The following ABCB7 variants were observed in gnomAD, a reference collection of about 807,000 sequenced individuals.
The protein encoded by ABCB7 is ATP binding cassette subfamily B member 7, also known as iron-sulfur clusters transporter ABCB7, mitochondrial.
In ABCB7, 7 loss-of-function variants were observed where a neutral mutation model predicts 54.4. That is an observed-to-expected ratio of 0.13 (90% CI 0.07 to 0.24). The LOEUF is 0.24. ABCB7 is among the 10% of genes least tolerant of loss of function. The pLI, the probability that ABCB7 is intolerant of heterozygous loss-of-function variation, is 1.00. For synonymous variants in ABCB7, 218 were observed against 207.1 expected (o/e 1.05, Z -0.45); for missense variants, 356 against 570.4 (o/e 0.62, Z 3.83).
intron 14 of ABCB7, 49 bp from the exon 15 acceptor site, chrX:75,060,379 C>T (rs1405139793): frequency 2.1e-6 from 2 of 946,716 alleles, no homozygotes; most frequent in Non-Finnish European, 3.0e-6. Flanking sequence ...AAGAAGTACA[C>T]ATTAGGCAAA....
At chrX:75,074,229 T>A in intron 6 of ABCB7, among the ~76,000 whole-genome samples, 1 of 111,602 alleles carries the variant, frequency 9.0e-6, no homozygotes, top group African/African-American at 3.2e-5. Flanking sequence ...ATAAAAAATA[T>A]ATACATATAT....
chrX:75,117,165 G>C (rs1369907934), intron 1 of ABCB7, among the ~76,000 whole-genome samples: 1 of 110,924 alleles, frequency 9.0e-6, no homozygotes, highest in Non-Finnish European at 1.9e-5. Context: ...TGAGATCCAA[G>C]AACCCTCTCT....
In ABCB7 at chrX:75,076,563, G is replaced by T. The variant is rs773291983; in HGVS notation, c.545C>A (p.Pro182Gln). Residue 182 changes from proline (P) to glutamine (Q), a missense_variant, in exon 5 of 16, where the codon CCA (proline) becomes CAA (glutamine). Around this residue, in one of 2 missense-constraint regions of ABCB7, gnomAD observed 241 missense variants for 470.9 expected, o/e 0.51. Transcript: ENST00000373394. ...TGTTGCCATGGTTGCAACTGTATTT[G>T]GTGCATCACTCAGGTTCAGCATGTT... ...SGNMLNLSDA[P>Q]NTVATMATAV... is the part of the protein sequence containing the mutation. The T allele has an allele frequency of 8.3e-7, 1 of 1,210,965 alleles. No individual in the cohort carries two copies.
chrX:75,131,701 C>T (rs1357161394), intron 1 of ABCB7, among the ~76,000 whole-genome samples: 3 of 111,417 alleles, frequency 2.7e-5, no homozygotes, highest in African/African-American at 9.8e-5. Flanking sequence ...TATGAACCTC[C>T]AGCATAGCAT....
intron 4 of ABCB7, among the ~76,000 whole-genome samples, chrX:75,077,245 C>A (rs1192594859): frequency 6.3e-5 from 7 of 111,787 alleles, no homozygotes. Flanking sequence ...TTGATAAATC[C>A]ATTTGTCCTA....
chrX:75,093,931 T>G (rs2147496555), intron 4 of ABCB7, among the ~76,000 whole-genome samples: 1 of 105,583 alleles, frequency 9.5e-6, no homozygotes, highest in African/African-American at 3.5e-5. Flanking sequence ...AAATACTAAA[T>G]CCTTCATAAA....
intron 1 of ABCB7, among the ~76,000 whole-genome samples, chrX:75,115,321 T>C (rs1417673966): frequency 1.1e-5 from 1 of 92,283 alleles, no homozygotes; most frequent in African/African-American, 4.0e-5. Context: ...AAATTTGTGG[T>C]CCGGGTATGA....
At chrX:75,147,449 G>T (rs1258782750) in intron 1 of ABCB7, among the ~76,000 whole-genome samples, 1 of 111,709 alleles carries the variant, frequency 9.0e-6, no homozygotes, top group African/African-American at 3.3e-5. Flanking sequence ...ACTAGATAAA[G>T]AAAATGTGGT....
At chrX:75,056,007 G>T (rs1442163552) in intron 15 of ABCB7, among the ~76,000 whole-genome samples, 2 of 111,127 alleles carry the variant, frequency 1.8e-5, no homozygotes, top group African/African-American at 6.5e-5. Context: ...ATTTTGGGTA[G>T]AAAGAAAAGA....
chrX:75,129,769 G>A (rs1343850231), intron 1 of ABCB7, among the ~76,000 whole-genome samples: 1 of 109,746 alleles, frequency 9.1e-6, no homozygotes, highest in African/African-American at 3.3e-5. Context: ...TTTTTGTTTT[G>A]ATTTTGGCTT....
intron 8 of ABCB7, among the ~76,000 whole-genome samples, chrX:75,072,642 G>T (rs1052483323): frequency 9.0e-6 from 1 of 111,425 alleles, no homozygotes; most frequent in African/African-American, 3.3e-5. Flanking sequence ...GGCTCTAGGT[G>T]AGTCAGTGAG....
chrX:75,119,593 A>G (rs1247286268), intron 1 of ABCB7, among the ~76,000 whole-genome samples: 7 of 112,178 alleles, frequency 6.2e-5, no homozygotes, highest in Non-Finnish European at 1.9e-5. Context: ...TTTGACATCA[A>G]TAATGCACAA....
intron 1 of ABCB7, among the ~76,000 whole-genome samples, chrX:75,155,799 G>A (rs1420921471): frequency 9.0e-6 from 1 of 111,082 alleles, no homozygotes; most frequent in Non-Finnish European, 1.9e-5. Flanking sequence ...AGAAAGGCAA[G>A]CAGGCTGGGA....
intron 12 of ABCB7, among the ~76,000 whole-genome samples, chrX:75,068,462 A>T (rs781309958): frequency 1.8e-5 from 2 of 111,979 alleles, no homozygotes; most frequent in Non-Finnish European, 3.8e-5. Flanking sequence ...AATGTTTAAC[A>T]TGGGTTCGGC....
chrX:75,119,618 T>C (rs2081857033), intron 1 of ABCB7, among the ~76,000 whole-genome samples: 1 of 111,965 alleles, frequency 8.9e-6, no homozygotes, highest in Admixed American at 9.5e-5. Flanking sequence ...AATGGTGAAA[T>C]TTGGCTCATT....
chrX:75,129,198 A>G (rs1243586021), intron 1 of ABCB7, among the ~76,000 whole-genome samples: 2 of 112,002 alleles, frequency 1.8e-5, no homozygotes, highest in Non-Finnish European at 3.8e-5. Context: ...AACCAACCCA[A>G]TTGCCCACCA....
chrX:75,090,922 T>C (rs139363265), intron 4 of ABCB7, among the ~76,000 whole-genome samples: 3,214 of 111,326 alleles, frequency 0.029, 116 homozygotes, highest in African/African-American at 0.1. Flanking sequence ...AGAAGATACA[T>C]TGATAAATTG....
chrX:75,063,919 T>C (rs969725604), intron 13 of ABCB7, among the ~76,000 whole-genome samples: 1 of 111,766 alleles, frequency 8.9e-6, no homozygotes, highest in African/African-American at 3.2e-5. Flanking sequence ...ACAGCATAGC[T>C]GGCTGAGGCA....
At position 75,053,486 on chromosome X, in the gene ABCB7, G is replaced by C; in HGVS notation, c.2143C>G (p.His715Asp). Residue 715 changes from histidine to aspartate, a missense_variant, in exon 16 of 16, where the codon CAT becomes GAT. Around this residue, in one of 2 missense-constraint regions of ABCB7, gnomAD observed 241 missense variants for 470.9 expected, o/e 0.51. Coordinates refer to ENST00000373394, the MANE Select transcript of ABCB7 (RefSeq NM_001271696.3). ...TTTGCTTCCCATTTGGGGTTATCAT[G>C]GTTCTGCACACGGCTGCTCTGTGTA... Reference protein sequence around the residue: ...WHTQSSRVQNHDNPKWEAKKE... With the variant: ...WHTQSSRVQNDDNPKWEAKKE... The C allele has an allele frequency of 8.3e-7, 1 of 1,211,133 alleles. No individual in the cohort carries two copies. Among genetic ancestry groups the C allele is most frequent in the East Asian group, 3.0e-5 (1 of 33,809 alleles).
Sources: allele counts gnomAD v4.1 joint callset (sites outside exome capture counted in the v4.1 genomes callset), GRCh38; gene constraint gnomAD v4.1.1; regional missense constraint gnomAD v4.1.1; transcripts MANE v1.5; gene names NCBI Gene and HGNC (gene_info 2026-07-23, HGNC 2026-07-21).